The following CNTNAP5 variants were observed in gnomAD, a reference collection of about 807,000 sequenced individuals.
CNTNAP5 encodes contactin associated protein family member 5.
Under a neutral mutation model 150.2 loss-of-function variants are expected in CNTNAP5, and 72 were observed. The ratio of observed to expected loss-of-function variants is 0.48; its 90% CI spans 0.40 to 0.58. CNTNAP5 has a LOEUF of 0.58. CNTNAP5 is among the 20% of genes least tolerant of loss of function. The probability of loss-of-function intolerance (pLI) is 0.00; values close to 1 mark genes in which losing one functional copy is unlikely to be tolerated. For missense variants in CNTNAP5, 1,636 were observed against 1,626.2 expected (o/e 1.01, Z -0.10); for synonymous variants, 672 against 619.8 (o/e 1.08, Z -1.25).
chr2:124,123,162 C>A (rs1259134899), intron 1 of CNTNAP5, among the ~76,000 whole-genome samples: 1 of 152,084 alleles, frequency 6.6e-6, no homozygotes, highest in Non-Finnish European at 1.5e-5. Flanking sequence ...CAAGGGAAGG[C>A]ATGACAGACA....
Position 124,537,039 on chromosome 2 carries a change from A to T in CNTNAP5, c.1649+9583A>T, listed in dbSNP as rs145588086. On this transcript the variant is annotated intron_variant, in intron 10 of 23. Transcript: ENST00000682447. ...AATGTGTGGTGTGTGTGTGTGTGTGAGAGAGAGAGAGAGAAAGAGAGAGAG... is the reference window on the plus strand; with the variant it reads ...AATGTGTGGTGTGTGTGTGTGTGTGTGAGAGAGAGAGAGAAAGAGAGAGAG... 4.6e-3 allele frequency among the ~76,000 whole-genome samples: 676 copies of T among 146,998 alleles called. 4 individuals are homozygous for T. The highest frequency in any genetic ancestry group is 0.017 in the African/African-American group (648 of 38,134).
chr2:124,743,212 T>C (rs1187293156), intron 13 of CNTNAP5, among the ~76,000 whole-genome samples: 1 of 152,184 alleles, frequency 6.6e-6, no homozygotes, highest in Non-Finnish European at 1.5e-5. Flanking sequence ...TTATATTTGG[T>C]TTAATAACCC....
At chr2:124,440,178 G>A (rs545392229) in intron 5 of CNTNAP5, among the ~76,000 whole-genome samples, 1 of 152,198 alleles carries the variant, frequency 6.6e-6, no homozygotes, top group South Asian at 2.1e-4. Flanking sequence ...TGTTTAACTT[G>A]TGTGAGAAGC....
At position 124,510,514 on chromosome 2, in the gene CNTNAP5, T is replaced by TACACAC. The variant is rs1198451222; in HGVS notation, c.1327+5959_1327+5960insCACACA. On this transcript the variant is annotated intron_variant, in intron 8 of 23. Transcript: ENST00000682447. Reference sequence around the variant, plus strand: ...ATATATATATATATATATATATATATATATACATATATCTCCATATATCAA... The same window carrying TACACAC: ...ATATATATATATATATATATATATATACACACATATACATATATCTCCATATATCAA... Among the ~76,000 whole-genome samples, 750 of 123,656 alleles carry TACACAC rather than the reference T, an allele frequency of 6.1e-3. 14 individuals are homozygous for TACACAC. Among genetic ancestry groups the TACACAC allele is most frequent in the South Asian group, 0.026 (97 of 3,802 alleles). 81.1% of individuals were successfully genotyped at this position (123,656 alleles called of 152,430 possible).
intron 1 of CNTNAP5, among the ~76,000 whole-genome samples, chr2:124,057,448 A>ATTTTTTT (rs556571236): frequency 0.014 from 882 of 62,758 alleles, 157 homozygotes; most frequent in African/African-American, 0.063. Context: ...CGGCCAGCTA[A>ATTTTTTT]TTTTTTTTTT....
At chr2:124,500,389 A>G (rs1407135187) in intron 7 of CNTNAP5, among the ~76,000 whole-genome samples, 2 of 152,196 alleles carry the variant, frequency 1.3e-5, no homozygotes, top group Non-Finnish European at 2.9e-5. Context: ...TCTGAATGCA[A>G]TAAAGAAAAG....
At chr2:124,601,774 G>A (rs1375222447) in intron 11 of CNTNAP5, among the ~76,000 whole-genome samples, 1 of 152,178 alleles carries the variant, frequency 6.6e-6, no homozygotes, top group African/African-American at 2.4e-5. Context: ...TTCTTCAGTG[G>A]ATTAATTATT....
intron 19 of CNTNAP5, among the ~76,000 whole-genome samples, chr2:124,842,855 T>C (rs956404965): frequency 3.9e-5 from 6 of 152,136 alleles, no homozygotes; most frequent in African/African-American, 1.4e-4. Context: ...GTGCAGTTAC[T>C]GCCTCATGAG....
intron 10 of CNTNAP5, among the ~76,000 whole-genome samples, chr2:124,543,849 T>TA (rs1695447029): frequency 6.6e-6 from 1 of 152,126 alleles, no homozygotes; most frequent in South Asian, 2.1e-4. Context: ...AAGATATATA[T>TA]TTTTTCTCCT....
At chr2:124,362,179 G>T (rs1311274464) in intron 3 of CNTNAP5, among the ~76,000 whole-genome samples, 6 of 152,210 alleles carry the variant, frequency 3.9e-5, no homozygotes, top group African/African-American at 1.4e-4. Flanking sequence ...GGCGCATGGT[G>T]CGCGAACCCG....
At chr2:124,290,878 A>C (rs780015) in intron 3 of CNTNAP5, among the ~76,000 whole-genome samples, 668 of 50,996 alleles carry the variant, frequency 0.013, 5 homozygotes, top group African/African-American at 0.082. Flanking sequence ...TCCTTCCTTT[A>C]TTTATTTATT....
intron 3 of CNTNAP5, among the ~76,000 whole-genome samples, chr2:124,319,726 G>A (rs922743258): frequency 6.6e-6 from 1 of 152,068 alleles, no homozygotes; most frequent in Non-Finnish European, 1.5e-5. Context: ...AGCATCACTA[G>A]CCTCTACCCA....
chr2:124,855,601 T>A (rs1385003840), intron 19 of CNTNAP5, among the ~76,000 whole-genome samples: 3 of 152,094 alleles, frequency 2.0e-5, no homozygotes, highest in African/African-American at 4.8e-5. Flanking sequence ...AACAGAAAAA[T>A]TATGTTCTTG....
At chr2:124,468,216 A>C (rs1693426376) in intron 6 of CNTNAP5, among the ~76,000 whole-genome samples, 1 of 152,148 alleles carries the variant, frequency 6.6e-6, no homozygotes, top group Non-Finnish European at 1.5e-5. Context: ...TGACTCACAC[A>C]ATCACAAGGT....
intron 11 of CNTNAP5, among the ~76,000 whole-genome samples, chr2:124,597,656 C>T (rs13019424): frequency 1.3e-5 from 2 of 149,744 alleles, no homozygotes; most frequent in Non-Finnish European, 3.0e-5. Context: ...ATCTTTGTGG[C>T]GTTCTCTGTA....
intron 19 of CNTNAP5, among the ~76,000 whole-genome samples, chr2:124,813,268 A>G (rs1040356535): frequency 3.3e-5 from 5 of 151,618 alleles, no homozygotes; most frequent in Non-Finnish European, 5.9e-5. Context: ...TAGTAGAGAC[A>G]GGGTTTCACC....
At chr2:124,335,254 C>G (rs907728900) in intron 3 of CNTNAP5, among the ~76,000 whole-genome samples, 5 of 151,970 alleles carry the variant, frequency 3.3e-5, no homozygotes, top group Non-Finnish European at 7.4e-5. Context: ...ACAAAAGGCC[C>G]TTAGGGATGG....
chr2:124,905,858 C>T (rs957640019), intron 22 of CNTNAP5, among the ~76,000 whole-genome samples: 5 of 152,054 alleles, frequency 3.3e-5, no homozygotes, highest in Admixed American at 2.0e-4. Context: ...CAGGGGTGGT[C>T]TCTAGTTATC....
intron 13 of CNTNAP5, among the ~76,000 whole-genome samples, chr2:124,689,372 C>A (rs1573549238): frequency 6.6e-6 from 1 of 152,202 alleles, no homozygotes; most frequent in Non-Finnish European, 1.5e-5. Flanking sequence ...ATTCTTGGAT[C>A]TTGGAAGGTG....
Sources: gnomAD v4.1 joint callset for allele counts (sites outside exome capture counted in the v4.1 genomes callset) on GRCh38, gnomAD v4.1.1 for gene constraint, MANE v1.5 for transcripts, NCBI Gene and HGNC (gene_info 2026-07-23, HGNC 2026-07-21) for gene names.